Variants in BMAL2 observed in about 807,000 individuals in gnomAD.
BMAL2 encodes the protein basic helix-loop-helix ARNT-like protein 2.
At chr12:27,365,339 G>A in the BMAL2 span, among the ~76,000 whole-genome samples, 1 of 151,946 alleles carries the variant, frequency 6.6e-6, no homozygotes, top group Non-Finnish European at 1.5e-5. Flanking sequence ...TAGTCATGAT[G>A]GATGATTATT....
At chr12:27,406,919 C>CA in the BMAL2 span, among the ~76,000 whole-genome samples, 11 of 151,554 alleles carry the variant, frequency 7.3e-5, no homozygotes, top group East Asian at 1.9e-4. Flanking sequence ...AAATGGAAAA[C>CA]AAAAAAAGGC....
chr12:27,405,157 A>C, the BMAL2 span, among the ~76,000 whole-genome samples: 1 of 152,062 alleles, frequency 6.6e-6, no homozygotes, highest in African/African-American at 2.4e-5. Flanking sequence ...GCCTCTGTAG[A>C]CTCCATCTCT....
chr12:27,361,380 G>A, the BMAL2 span, among the ~76,000 whole-genome samples: 28 of 152,282 alleles, frequency 1.8e-4, no homozygotes, highest in African/African-American at 6.7e-4. Flanking sequence ...CTCATTTTAA[G>A]TAAAATCACA....
the BMAL2 span, among the ~76,000 whole-genome samples, chr12:27,402,460 A>C: frequency 6.6e-6 from 1 of 152,234 alleles, no homozygotes; most frequent in Non-Finnish European, 1.5e-5. Flanking sequence ...TACTTAGCAC[A>C]TTAAGACCTT....
At chr12:27,373,611 T>C in the BMAL2 span, among the ~76,000 whole-genome samples, 1 of 152,092 alleles carries the variant, frequency 6.6e-6, no homozygotes, top group Non-Finnish European at 1.5e-5. Context: ...GCCCAGAATA[T>C]GTGAAGGCAT....
chr12:27,372,339 GAATT>G, the BMAL2 span, among the ~76,000 whole-genome samples: 4,603 of 152,102 alleles, frequency 0.03, 90 homozygotes, highest in South Asian at 0.089. Flanking sequence ...GTATGTGTCA[GAATT>G]TCATTCCTGT....
chr12:27,403,877 G>A, the BMAL2 span, among the ~76,000 whole-genome samples: 10 of 151,968 alleles, frequency 6.6e-5, no homozygotes, highest in South Asian at 2.1e-4. Context: ...AAATACCACC[G>A]TGTGGCCAGG....
the BMAL2 span, among the ~76,000 whole-genome samples, chr12:27,356,735 A>C: frequency 6.6e-6 from 1 of 152,128 alleles, no homozygotes; most frequent in Non-Finnish European, 1.5e-5. Context: ...CTCCTTTTTA[A>C]AAACTAAACA....
the BMAL2 span, among the ~76,000 whole-genome samples, chr12:27,356,318 C>T: frequency 1.3e-5 from 2 of 152,124 alleles, no homozygotes; most frequent in Admixed American, 6.6e-5. Context: ...TGAGGATTGG[C>T]CTCAGTAGTG....
the BMAL2 span, among the ~76,000 whole-genome samples, chr12:27,397,533 G>A: frequency 6.6e-6 from 1 of 152,134 alleles, no homozygotes; most frequent in Non-Finnish European, 1.5e-5. Flanking sequence ...TAAGATTTAT[G>A]GAAAGGCCAT....
the BMAL2 span, among the ~76,000 whole-genome samples, chr12:27,354,466 G>T: frequency 2.6e-5 from 4 of 152,050 alleles, no homozygotes; most frequent in Non-Finnish European, 4.4e-5. Context: ...TACCTATTGG[G>T]CACTGTGCTC....
chr12:27,372,180 A>G, the BMAL2 span, among the ~76,000 whole-genome samples: 20 of 148,776 alleles, frequency 1.3e-4, no homozygotes, highest in Admixed American at 1.1e-3. Context: ...GCAGTGAGCC[A>G]AGGTCGTGCC....
the BMAL2 span, among the ~76,000 whole-genome samples, chr12:27,397,174 C>T: frequency 1.3e-5 from 2 of 152,046 alleles, no homozygotes; most frequent in East Asian, 1.9e-4. Flanking sequence ...GGGTTCAAGC[C>T]GTTCTCCTGC....
At chr12:27,402,275 T>C in the BMAL2 span, among the ~76,000 whole-genome samples, 4 of 152,160 alleles carry the variant, frequency 2.6e-5, no homozygotes, top group Non-Finnish European at 5.9e-5. Context: ...GTTATTTCCT[T>C]GTCTACAATA....
chr12:27,419,213 G>T, the BMAL2 span, among the ~76,000 whole-genome samples: 1 of 152,126 alleles, frequency 6.6e-6, no homozygotes, highest in Non-Finnish European at 1.5e-5. Flanking sequence ...CAAGTAAATT[G>T]AGTGACATGG....
the BMAL2 span, among the ~76,000 whole-genome samples, chr12:27,378,051 T>C: frequency 6.6e-6 from 1 of 152,194 alleles, no homozygotes; most frequent in Non-Finnish European, 1.5e-5. Context: ...CTCTTTCTCA[T>C]CAGATTGCCC....
the BMAL2 span, among the ~76,000 whole-genome samples, chr12:27,395,615 C>G: frequency 6.6e-6 from 1 of 151,986 alleles, no homozygotes; most frequent in Non-Finnish European, 1.5e-5. Context: ...AATTTTAGTC[C>G]TTCCATGGGG....
At chr12:27,385,539 G>A in the BMAL2 span, 10 of 1,599,488 alleles carry the variant, frequency 6.3e-6, no homozygotes, top group African/African-American at 9.4e-5. Context: ...AGGATAATGA[G>A]CTCAGACATT....
chr12:27,389,891 C>G, the BMAL2 span: 1 of 445,060 alleles, frequency 2.2e-6, no homozygotes, highest in Non-Finnish European at 3.9e-6. Flanking sequence ...TTGCAAATGT[C>G]TGTAAGTTAT....
Sources: gnomAD v4.1 joint callset for allele counts (sites outside exome capture counted in the v4.1 genomes callset) on GRCh38, gnomAD v4.1.1 for gene constraint, MANE v1.5 for transcripts, NCBI Gene and HGNC (gene_info 2026-07-23, HGNC 2026-07-21) for gene names.